GAD2: variants seen among roughly 807,000 people sequenced by gnomAD.
GAD2 encodes 65 kDa glutamic acid decarboxylase.
GAD2 carries 22 observed loss-of-function variants against 80.1 expected under a neutral mutation model. That is an observed-to-expected ratio of 0.27 (90% CI 0.20 to 0.39). The LOEUF (loss-of-function observed/expected upper bound fraction) is 0.39, where lower values mean the gene tolerates loss of function less well. GAD2 is among the 10% of genes least tolerant of loss of function. The pLI is 1.00. For missense variants in GAD2, 624 were observed against 738.4 expected, an observed-to-expected ratio of 0.85 and a Z score of 1.80; for synonymous variants, 274 against 256.9, an observed-to-expected ratio of 1.07 and a Z score of -0.64.
Position 26,216,934 on chromosome 10 carries a change from G to A in GAD2, c.76+49G>A. On this transcript the variant is annotated intron_variant, in intron 1 of 15. Transcript: ENST00000376261. The surrounding 1 kb of genome is among the most constrained non-coding windows in gnomAD (Gnocchi z 4.7). ...CGGCGGGCGAGTTTTGCGGTGGTCTGGGGTTTGCGGAACTACGGAGAAGAC... is the reference window on the plus strand; with the variant it reads ...CGGCGGGCGAGTTTTGCGGTGGTCTAGGGTTTGCGGAACTACGGAGAAGAC... 4 of 1,526,108 alleles carry A rather than the reference G, an allele frequency of 2.6e-6. No individual in the cohort carries two copies. Among genetic ancestry groups the A allele is most frequent in the Non-Finnish European group, 3.6e-6 (4 of 1,107,958 alleles). 94.5% of individuals were successfully genotyped at this position (1,526,108 alleles called of 1,614,324 possible).
At chr10:26,292,243 G>T (rs142699174) in intron 13 of GAD2, among the ~76,000 whole-genome samples, 17 of 152,336 alleles carry the variant, frequency 1.1e-4, no homozygotes, top group African/African-American at 3.8e-4. Flanking sequence ...TGGAAGAAAA[G>T]GAGTTCCGTG....
intron 8 of GAD2, among the ~76,000 whole-genome samples, chr10:26,249,532 C>A (rs1215971182): frequency 1.3e-5 from 2 of 152,370 alleles, no homozygotes; most frequent in East Asian, 3.9e-4. Context: ...CCGTGGCCCG[C>A]TGGCCTAGGC....
At chr10:26,241,553 T>TC (rs1473458444) in intron 7 of GAD2, among the ~76,000 whole-genome samples, 2 of 151,418 alleles carry the variant, frequency 1.3e-5, no homozygotes, top group Non-Finnish European at 2.9e-5. Context: ...CTCATTTCTT[T>TC]TTTTTTTTTT....
At chr10:26,270,435 A>G (rs1347075834) in intron 9 of GAD2, among the ~76,000 whole-genome samples, 1 of 152,230 alleles carries the variant, frequency 6.6e-6, no homozygotes, top group African/African-American at 2.4e-5. Flanking sequence ...AGACACAGTC[A>G]GGTCCAACAG....
intron 6 of GAD2, 183 bp downstream of exon 6, chr10:26,224,834 C>A (rs764998694): frequency 5.3e-6 from 3 of 564,848 alleles, no homozygotes; most frequent in Non-Finnish European, 9.4e-6. Context: ...AGCTAAGTAA[C>A]CCATGCTTGA....
chr10:26,247,572 A>C (rs1199234255), intron 8 of GAD2, among the ~76,000 whole-genome samples: 1 of 152,064 alleles, frequency 6.6e-6, no homozygotes, highest in African/African-American at 2.4e-5. Flanking sequence ...AGCCACAGCA[A>C]ATACGGTGGC....
chr10:26,228,099 C>T (rs747861078), intron 6 of GAD2, among the ~76,000 whole-genome samples: 4 of 152,236 alleles, frequency 2.6e-5, no homozygotes, highest in East Asian at 1.9e-4. Context: ...ACTCACGTGA[C>T]GGCAGGACTT....
At chr10:26,267,588 T>G (rs372234585) in intron 8 of GAD2, among the ~76,000 whole-genome samples, 5 of 152,314 alleles carry the variant, frequency 3.3e-5, no homozygotes, top group East Asian at 1.9e-4. Context: ...CAAATGTAAC[T>G]GTAATGCCCC....
chr10:26,255,274 G>A (rs552950951), intron 8 of GAD2, among the ~76,000 whole-genome samples: 21 of 152,332 alleles, frequency 1.4e-4, no homozygotes, highest in Admixed American at 7.2e-4. Context: ...GCTACAACAG[G>A]TGAAATGAGG....
At chr10:26,298,788 A>G (rs1195606862) in intron 15 of GAD2, among the ~76,000 whole-genome samples, 1 of 152,224 alleles carries the variant, frequency 6.6e-6, no homozygotes, top group East Asian at 1.9e-4. Context: ...TCTGAGATTT[A>G]TCTTCGCAGG....
At chr10:26,221,244 G>C (rs1331087745) in intron 4 of GAD2, among the ~76,000 whole-genome samples, 2 of 152,154 alleles carry the variant, frequency 1.3e-5, no homozygotes. Flanking sequence ...CTCCTCAAGA[G>C]ATTATTTTAT....
intron 13 of GAD2, among the ~76,000 whole-genome samples, chr10:26,290,917 T>G (rs931410824): frequency 2.0e-5 from 3 of 152,210 alleles, no homozygotes; most frequent in African/African-American, 7.2e-5. Context: ...TCATTCCCCA[T>G]GTATATCTTT....
chr10:26,218,168 A>C, intron 3 of GAD2, 177 bp downstream of exon 3: 2 of 638,760 alleles, frequency 3.1e-6, no homozygotes, highest in Non-Finnish European at 5.1e-6. Context: ...CGCTGGGTCC[A>C]AGCCCCCGAA....
At position 26,270,699 on chromosome 10, in the gene GAD2, C is replaced by A; in HGVS notation, c.1035C>A (p.Asp345Glu). 6.2e-7 allele frequency: 1 copy of A among 1,614,136 alleles called. No individual in the cohort carries two copies. The highest frequency in any genetic ancestry group is 8.5e-7 in the Non-Finnish European group (1 of 1,179,980). Residue 345 changes from aspartate to glutamate, a missense_variant, in exon 10 of 16, where the codon GAC becomes GAA. Transcript: ENST00000376261. ...GAACCACCGTGTACGGAGCATTTGA[C>A]CCCCTCTTAGCTGTCGCTGACATTT... The part of the protein sequence containing the change: ...TAGTTVYGAF[D>E]PLLAVADICK...
chr10:26,245,416 C>T (rs1460330270), intron 7 of GAD2, among the ~76,000 whole-genome samples: 1 of 149,066 alleles, frequency 6.7e-6, no homozygotes, highest in Non-Finnish European at 1.5e-5. Flanking sequence ...GTTAAGATGG[C>T]ATTTAAGTTA....
chr10:26,291,351 A>G (rs1400042413), intron 13 of GAD2, among the ~76,000 whole-genome samples: 2 of 152,224 alleles, frequency 1.3e-5, no homozygotes, highest in African/African-American at 4.8e-5. Flanking sequence ...AGCATCAGGC[A>G]TCAGCCCAAG....
chr10:26,249,958 C>T (rs574738556), intron 8 of GAD2, among the ~76,000 whole-genome samples: 3 of 151,870 alleles, frequency 2.0e-5, no homozygotes, highest in South Asian at 2.1e-4. Context: ...GCTGGAGAGC[C>T]GGCGGGACCT....
At chr10:26,228,398 T>C (rs1033812297) in intron 6 of GAD2, among the ~76,000 whole-genome samples, 1 of 152,244 alleles carries the variant, frequency 6.6e-6, no homozygotes, top group Non-Finnish European at 1.5e-5. Flanking sequence ...TCTATACTTA[T>C]GAAATAAGTT....
chr10:26,260,790 G>T (rs1845000504), intron 8 of GAD2, among the ~76,000 whole-genome samples: 1 of 152,152 alleles, frequency 6.6e-6, no homozygotes, highest in South Asian at 2.1e-4. Context: ...CCTCACTCAG[G>T]CTAGGAATTA....
Sources: gnomAD v4.1 joint callset for allele counts (sites outside exome capture counted in the v4.1 genomes callset) on GRCh38, gnomAD v4.1.1 for gene constraint, Gnocchi (gnomAD v3.1) non-coding constraint, MANE v1.5 for transcripts, NCBI Gene and HGNC (gene_info 2026-07-23, HGNC 2026-07-21) for gene names.